HDHD2: variants seen among roughly 807,000 people sequenced by gnomAD.
The protein encoded by HDHD2 is haloacid dehalogenase-like hydrolase domain-containing protein 2.
A neutral mutation model predicts 24.8 loss-of-function variants in HDHD2; 26 were observed. The ratio of observed to expected loss-of-function variants is 1.05; its 90% confidence interval spans 0.77 to 1.45. The LOEUF is 1.45. HDHD2 is among the 40% of genes most tolerant of loss of function. The pLI, the probability that HDHD2 is intolerant of heterozygous loss-of-function variation, is 0.00. For synonymous variants in HDHD2, 128 were observed against 114.9 expected, an observed-to-expected ratio of 1.11 and a Z score of -0.73; for missense variants, 299 against 313.4, an observed-to-expected ratio of 0.95 and a Z score of 0.35.
chr18:47,141,271 T>G, intron 1 of HDHD2, among the ~76,000 whole-genome samples: 1 of 152,340 alleles, frequency 6.6e-6, no homozygotes, highest in East Asian at 1.9e-4. Context: ...TAAGACAATC[T>G]TGCACAAATC....
At chr18:47,135,492 C>G (rs1345827944) in intron 2 of HDHD2, among the ~76,000 whole-genome samples, 1 of 152,086 alleles carries the variant, frequency 6.6e-6, no homozygotes, top group Admixed American at 6.5e-5. Context: ...AACTCCCGAC[C>G]TCAGGTGATC....
chr18:47,110,656 T>C (rs1417318322), intron 6 of HDHD2: 1 of 984,880 alleles, frequency 1.0e-6, no homozygotes, highest in African/African-American at 1.7e-5. Context: ...AGGGGCTCAA[T>C]AACGTTCGTT....
chr18:47,139,506 A>T (rs2063800605), intron 1 of HDHD2, among the ~76,000 whole-genome samples: 1 of 149,658 alleles, frequency 6.7e-6, no homozygotes, highest in Non-Finnish European at 1.5e-5. Flanking sequence ...TTTGTAGTAC[A>T]TTGATAAATG....
Position 47,136,385 on chromosome 18 carries a change from G to A in HDHD2, c.55C>T (p.His19Tyr), listed in dbSNP as rs748697271. ...AVLVDLSGTL[H>Y]IEDAAVPGAQ... ...CCTGGCACAGCTGCATCTTCAATGT[G>A]AAGTGTGCCACTGAGATCTACCAAA... Residue 19 changes from histidine (H) to tyrosine (Y), a missense_variant, in exon 2 of 7, where the codon CAC (histidine) becomes TAC (tyrosine). Coordinates refer to ENST00000300605, the MANE Select transcript of HDHD2 (RefSeq NM_032124.5). The A allele has an allele frequency of 6.2e-7, 1 of 1,612,880 alleles. No homozygotes were observed. The highest frequency in any genetic ancestry group is 1.3e-5 in the African/African-American group (1 of 74,908).
intron 1 of HDHD2, among the ~76,000 whole-genome samples, chr18:47,147,914 T>A (rs1252813697): frequency 6.6e-6 from 1 of 152,126 alleles, no homozygotes; most frequent in Non-Finnish European, 1.5e-5. Context: ...TATACTTACT[T>A]CTTCAGTTAG....
At chr18:47,129,617 T>C (rs2063692966) in intron 4 of HDHD2, among the ~76,000 whole-genome samples, 1 of 152,186 alleles carries the variant, frequency 6.6e-6, no homozygotes, top group Admixed American at 6.5e-5. Flanking sequence ...ACTCATCAAA[T>C]AATTTATTTT....
At chr18:47,117,079 A>C (rs2063563397) in intron 4 of HDHD2, among the ~76,000 whole-genome samples, 1 of 152,322 alleles carries the variant, frequency 6.6e-6, no homozygotes, top group African/African-American at 2.4e-5. Context: ...TCTGCATAGC[A>C]TAAGCTTTAC....
At chr18:47,114,626 T>A (rs1349190136) in intron 5 of HDHD2, among the ~76,000 whole-genome samples, 1 of 152,128 alleles carries the variant, frequency 6.6e-6, no homozygotes, top group Non-Finnish European at 1.5e-5. Context: ...CATCCCAGGC[T>A]CAGCCCTGCC....
intron 1 of HDHD2, among the ~76,000 whole-genome samples, chr18:47,139,764 G>T (rs1203718948): frequency 6.6e-6 from 1 of 152,188 alleles, no homozygotes; most frequent in African/African-American, 2.4e-5. Context: ...ATCTGCTGCA[G>T]AACTGATTGC....
chr18:47,132,795 G>A (rs2576030), intron 3 of HDHD2, among the ~76,000 whole-genome samples: 67,161 of 152,056 alleles, frequency 0.44, 14,917 homozygotes, highest in Middle Eastern at 0.55. Context: ...TTTCAGAATC[G>A]GTTGACTTTT....
chr18:47,140,679 T>C (rs2063811928), intron 1 of HDHD2, among the ~76,000 whole-genome samples: 1 of 152,040 alleles, frequency 6.6e-6, no homozygotes, highest in Non-Finnish European at 1.5e-5. Context: ...CCACCACGCC[T>C]GGCTAATTTA....
intron 5 of HDHD2, among the ~76,000 whole-genome samples, chr18:47,113,355 C>T (rs1187626292): frequency 1.3e-5 from 2 of 152,180 alleles, no homozygotes; most frequent in African/African-American, 4.8e-5. Context: ...CCCCATTAAA[C>T]AGATCATGGA....
At chr18:47,147,543 T>C (rs2063884227) in intron 1 of HDHD2, among the ~76,000 whole-genome samples, 1 of 152,172 alleles carries the variant, frequency 6.6e-6, no homozygotes. Flanking sequence ...GAATCTAAAA[T>C]TGCTTCTCTC....
At chr18:47,128,804 TA>T (rs2063684910) in intron 4 of HDHD2, among the ~76,000 whole-genome samples, 1 of 152,210 alleles carries the variant, frequency 6.6e-6, no homozygotes, top group Non-Finnish European at 1.5e-5. Context: ...TCTGGCCACA[TA>T]GATTTTACAT....
chr18:47,133,728 C>T (rs2063736117), intron 3 of HDHD2, among the ~76,000 whole-genome samples: 1 of 151,958 alleles, frequency 6.6e-6, no homozygotes, highest in African/African-American at 2.4e-5. Flanking sequence ...CTCTGATGGC[C>T]AGTGATGATG....
chr18:47,119,968 T>C (rs930190158), intron 4 of HDHD2, among the ~76,000 whole-genome samples: 1 of 152,244 alleles, frequency 6.6e-6, no homozygotes, highest in Non-Finnish European at 1.5e-5. Flanking sequence ...AGTAATATTC[T>C]GATGGGAATC....
chr18:47,142,956 C>G (rs1401236091), intron 1 of HDHD2, among the ~76,000 whole-genome samples: 2 of 152,094 alleles, frequency 1.3e-5, no homozygotes, highest in Admixed American at 1.3e-4. Flanking sequence ...TTAAATGAAA[C>G]AGAATTTACC....
chr18:47,122,972 T>C (rs1357766458), intron 4 of HDHD2, among the ~76,000 whole-genome samples: 2 of 152,006 alleles, frequency 1.3e-5, no homozygotes, highest in African/African-American at 4.8e-5. Flanking sequence ...AGTGGTAAAA[T>C]ACTGAAAGTT....
At chr18:47,135,027 AAC>A (rs1452992523) in intron 2 of HDHD2, among the ~76,000 whole-genome samples, 2 of 152,196 alleles carry the variant, frequency 1.3e-5, no homozygotes, top group African/African-American at 2.4e-5. Context: ...CCAACCGTGC[AAC>A]AGATTTTTTT....
Sources: gnomAD v4.1 joint callset for allele counts (sites outside exome capture counted in the v4.1 genomes callset) on GRCh38, gnomAD v4.1.1 for gene constraint, MANE v1.5 for transcripts, NCBI Gene and HGNC (gene_info 2026-07-23, HGNC 2026-07-21) for gene names.